Variants in CELF2 observed in about 807,000 individuals in gnomAD.
CELF2 encodes CUGBP Elav-like family member 2, also known as CUG triplet repeat RNA-binding protein 2.
In CELF2, 8 loss-of-function variants were observed where a neutral mutation model predicts 62.6. That is an observed-to-expected ratio of 0.13 (90% CI 0.07 to 0.23). CELF2 has a LOEUF of 0.23. Ranked by LOEUF, CELF2 falls within the 10% of genes least tolerant of loss-of-function variation. The pLI is 1.00. For missense variants in CELF2, 333 were observed against 671.0 expected (o/e 0.50, Z 5.56); for synonymous variants, 258 against 250.0 (o/e 1.03, Z -0.30).
the CELF2 span, among the ~76,000 whole-genome samples, chr10:10,768,274 G>T: frequency 6.6e-6 from 1 of 152,094 alleles, no homozygotes; most frequent in Admixed American, 6.5e-5. Context: ...ATAGACGTGG[G>T]TCCTTGAATG....
At chr10:11,187,093 A>G (rs918595839) in intron 2 of CELF2, among the ~76,000 whole-genome samples, 1 of 152,166 alleles carries the variant, frequency 6.6e-6, no homozygotes, top group Non-Finnish European at 1.5e-5. Context: ...CAGTATCTTT[A>G]CTGATTTTCT....
intron 1 of CELF2, among the ~76,000 whole-genome samples, chr10:11,123,256 A>T (rs116233598): frequency 0.069 from 10,444 of 151,960 alleles, 427 homozygotes; most frequent in African/African-American, 0.1. Context: ...TTTGATTTTT[A>T]AATTTTTTTT....
chr10:10,564,229 A>G, the CELF2 span, among the ~76,000 whole-genome samples: 4 of 152,142 alleles, frequency 2.6e-5, no homozygotes, highest in African/African-American at 7.2e-5. Flanking sequence ...CTCTCTATTC[A>G]TTCGATGACA....
chr10:10,600,452 G>T, the CELF2 span, among the ~76,000 whole-genome samples: 4 of 152,256 alleles, frequency 2.6e-5, no homozygotes, highest in Non-Finnish European at 5.9e-5. Context: ...GTCTTTTAAA[G>T]GATACAATTT....
At chr10:11,161,996 G>T (rs926640688) in intron 1 of CELF2, among the ~76,000 whole-genome samples, 1 of 152,214 alleles carries the variant, frequency 6.6e-6, no homozygotes, top group African/African-American at 2.4e-5. Flanking sequence ...ATGAGCATCA[G>T]CCAGGGAGAG....
At chr10:10,769,450 T>C in the CELF2 span, among the ~76,000 whole-genome samples, 1 of 152,208 alleles carries the variant, frequency 6.6e-6, no homozygotes, top group African/African-American at 2.4e-5. Context: ...ACATGGGATT[T>C]TTCATATCAT....
At chr10:10,473,292 G>C in the CELF2 span, among the ~76,000 whole-genome samples, 2 of 151,910 alleles carry the variant, frequency 1.3e-5, no homozygotes, top group African/African-American at 4.8e-5. Flanking sequence ...GCCACTGCAA[G>C]CCAAGGAAAG....
chr10:10,963,085 G>T (rs1374574191), intron 2 of CELF2, among the ~76,000 whole-genome samples: 1 of 152,064 alleles, frequency 6.6e-6, no homozygotes, highest in Non-Finnish European at 1.5e-5. Flanking sequence ...CTGTTGCCCA[G>T]GCTGGAGTGC....
Position 10,964,873 on chromosome 10 carries a change from A to G in CELF2, c.89+44874A>G, listed in dbSNP as rs2049946664. Among the ~76,000 whole-genome samples, 3 of 152,174 alleles carry G rather than the reference A, an allele frequency of 2.0e-5. No homozygotes were observed. In the South Asian group the frequency reaches 6.2e-4, roughly 32 times the overall value. The stretch of plus-strand genomic sequence containing the variant: ...TCACATCCCACGATCTTACGGTGCC[A>G]GTTACGAATTAGCTATGAAGAGCTT... On this transcript the variant is annotated intron_variant, in intron 2 of 13. Transcript: ENST00000636488.
At chr10:10,617,545 G>A in the CELF2 span, among the ~76,000 whole-genome samples, 5 of 152,104 alleles carry the variant, frequency 3.3e-5, no homozygotes, top group African/African-American at 1.2e-4. Context: ...CTAGCACATT[G>A]TGAGGGATCA....
At chr10:11,301,862 G>T (rs919149915) in intron 9 of CELF2, among the ~76,000 whole-genome samples, 5 of 152,026 alleles carry the variant, frequency 3.3e-5, no homozygotes, top group African/African-American at 1.2e-4. Context: ...CAGTTAGGCC[G>T]CGGGAGGTGG....
chr10:10,598,430 TATTAATCAGC>T, the CELF2 span, among the ~76,000 whole-genome samples: 2 of 152,180 alleles, frequency 1.3e-5, no homozygotes, highest in Non-Finnish European at 2.9e-5. Context: ...TGGGCAGCCA[TATTAATCAGC>T]ATGGAAACAG....
At chr10:10,977,996 G>C (rs1279435150) in intron 2 of CELF2, among the ~76,000 whole-genome samples, 1 of 151,466 alleles carries the variant, frequency 6.6e-6, no homozygotes, top group Non-Finnish European at 1.5e-5. Flanking sequence ...TATGAAGAAG[G>C]AAGGTATTTT....
At chr10:10,845,660 A>G (rs2058967995) in intron 1 of CELF2, among the ~76,000 whole-genome samples, 1 of 152,218 alleles carries the variant, frequency 6.6e-6, no homozygotes, top group African/African-American at 2.4e-5. Flanking sequence ...ATGTCTCAGA[A>G]TATCACATGT....
At chr10:11,215,428 G>A (rs191916828) in intron 2 of CELF2, among the ~76,000 whole-genome samples, 27 of 152,190 alleles carry the variant, frequency 1.8e-4, no homozygotes, top group East Asian at 5.8e-4. Flanking sequence ...TCAACTCTTC[G>A]TTCTTGGCTG....
rs900434068 is a variant in CELF2 at position 10,939,941 on chromosome 10, G to A, written c.89+19942G>A. The stretch of plus-strand genomic sequence containing the variant: ...TGCACTCTAGCCTGGGTGACAGAGC[G>A]AGGCTCCATCTCAAAAAATAAAGAA... On this transcript the variant is annotated intron_variant, in intron 2 of 13. Transcript: ENST00000636488. 7.2e-5 allele frequency among the ~76,000 whole-genome samples: 11 copies of A among 152,214 alleles called. No homozygotes were observed. In the East Asian group the frequency reaches 1.2e-3, roughly 16 times the overall value.
the CELF2 span, among the ~76,000 whole-genome samples, chr10:10,516,917 G>A: frequency 6.6e-6 from 1 of 152,022 alleles, no homozygotes. Context: ...CCTGGCCTTA[G>A]AGGGCGGCAC....
rs891227412 is a variant in CELF2 at position 10,823,187 on chromosome 10, G to GA, written c.53+24376dup. Among the ~76,000 whole-genome samples, 46 of 152,260 alleles carry GA rather than the reference G, an allele frequency of 3.0e-4. No homozygotes were observed. The South Asian group carries it at 3.1e-3, about 10-fold the overall frequency. On this transcript the variant is annotated intron_variant, in intron 1 of 13. Transcript: ENST00000636488. ...CTTTTTATGTGCATAGAAAGAAACA[G>GA]AAAAAATATAGGTATGGCCTGTACC...
chr10:11,213,040 G>A (rs954257449), intron 2 of CELF2, among the ~76,000 whole-genome samples: 5 of 152,202 alleles, frequency 3.3e-5, no homozygotes, highest in African/African-American at 1.2e-4. Flanking sequence ...GAAGCACCTG[G>A]TTCATCAGAC....
Sources: gnomAD v4.1 joint callset for allele counts (sites outside exome capture counted in the v4.1 genomes callset) on GRCh38, gnomAD v4.1.1 for gene constraint, MANE v1.5 for transcripts, NCBI Gene and HGNC (gene_info 2026-07-23, HGNC 2026-07-21) for gene names.